The following PCDH11X variants were observed in gnomAD, a reference collection of about 807,000 sequenced individuals.
PCDH11X encodes protocadherin 11 X-linked.
Under a neutral mutation model 53.3 loss-of-function variants are expected in PCDH11X, and 18 were observed. That is an observed-to-expected ratio of 0.34 (90% CI 0.23 to 0.50). PCDH11X has a LOEUF of 0.50. Among genes scored for constraint, PCDH11X ranks in the 20% least tolerant of loss-of-function variants. The probability of loss-of-function intolerance (pLI) is 0.98; values close to 1 mark genes in which losing one functional copy is unlikely to be tolerated. For missense variants in PCDH11X, 570 were observed against 1,032.4 expected, an observed-to-expected ratio of 0.55 and a Z score of 6.14; for synonymous variants, 279 against 393.3, an observed-to-expected ratio of 0.71 and a Z score of 3.44.
chrX:92,206,197 C>T (rs932166609), intron 7 of PCDH11X, among the ~76,000 whole-genome samples: 4 of 111,506 alleles, frequency 3.6e-5, no homozygotes, highest in Non-Finnish European at 7.5e-5. Flanking sequence ...AAAGTATGTA[C>T]GGATAAGGAC....
At chrX:92,341,087 C>T (rs996852983) in intron 8 of PCDH11X, among the ~76,000 whole-genome samples, 8 of 111,376 alleles carry the variant, frequency 7.2e-5, no homozygotes, top group Admixed American at 4.8e-4. Flanking sequence ...CCCACAGAAC[C>T]GTAGGTCATG....
intron 6 of PCDH11X, among the ~76,000 whole-genome samples, chrX:91,881,947 A>C (rs1939927166): frequency 9.0e-6 from 1 of 111,576 alleles, no homozygotes; most frequent in African/African-American, 3.2e-5. Flanking sequence ...CTGAATAGAA[A>C]CAGGAAAGTG....
chrX:92,548,053 T>A (rs1230023774), intron 10 of PCDH11X, among the ~76,000 whole-genome samples: 1 of 110,796 alleles, frequency 9.0e-6, no homozygotes, highest in East Asian at 2.8e-4. Context: ...TGATCTGGTT[T>A]CTTCCTTCCT....
At chrX:92,154,022 C>A (rs1317661254) in intron 6 of PCDH11X, among the ~76,000 whole-genome samples, 1 of 110,956 alleles carries the variant, frequency 9.0e-6, no homozygotes, top group Non-Finnish European at 1.9e-5. Context: ...AATGAGCAGG[C>A]TAAATACAAA....
At chrX:92,510,039 C>A (rs1024187793) in intron 10 of PCDH11X, among the ~76,000 whole-genome samples, 1 of 106,279 alleles carries the variant, frequency 9.4e-6, no homozygotes, top group African/African-American at 3.3e-5. Context: ...TCCATCTTGA[C>A]ATTTTAATTT....
At chrX:91,889,898 T>C (rs931618872) in intron 6 of PCDH11X, among the ~76,000 whole-genome samples, 10 of 111,874 alleles carry the variant, frequency 8.9e-5, no homozygotes, top group African/African-American at 2.9e-4. Flanking sequence ...GAATAACTGA[T>C]AACAGTTAAC....
At chrX:92,365,474 T>C (rs763395625) in intron 8 of PCDH11X, among the ~76,000 whole-genome samples, 2 of 110,338 alleles carry the variant, frequency 1.8e-5, no homozygotes, top group East Asian at 5.8e-4. Context: ...ACTCCTGGAC[T>C]CAAGCAATCA....
intron 1 of PCDH11X, among the ~76,000 whole-genome samples, chrX:91,793,968 A>G (rs926839903): frequency 3.6e-5 from 4 of 111,167 alleles, no homozygotes; most frequent in Non-Finnish European, 5.6e-5. Context: ...AAACTGTTAC[A>G]AAAATATATT....
chrX:92,133,928 T>C (rs764007297), intron 6 of PCDH11X, among the ~76,000 whole-genome samples: 14 of 111,690 alleles, frequency 1.3e-4, no homozygotes, highest in Admixed American at 1.2e-3. Flanking sequence ...AGCTTGGTTT[T>C]ATACATTTTA....
chrX:91,868,589 C>T (rs1165530343), intron 5 of PCDH11X, among the ~76,000 whole-genome samples: 1 of 111,645 alleles, frequency 9.0e-6, no homozygotes, highest in Admixed American at 9.5e-5. Context: ...AAATTTTTAG[C>T]ACTATTTTCC....
At chrX:92,018,878 C>T (rs1050637582) in intron 6 of PCDH11X, among the ~76,000 whole-genome samples, 4 of 112,536 alleles carry the variant, frequency 3.6e-5, no homozygotes, top group African/African-American at 1.3e-4. Flanking sequence ...GCTATAAATC[C>T]GGAGTCAGTA....
At position 92,252,675 on chromosome X, in the gene PCDH11X, T is replaced by A. The variant is rs60477853; in HGVS notation, c.3115-10439T>A. ...AAATATTTAGGAATGATTTTTTTTT[T>A]AAATTGGATGAGATTTTAGTCAACT... is the stretch of plus-strand genomic sequence containing the variant. On this transcript the variant is annotated intron_variant, in intron 7 of 10. Transcript: ENST00000682573. Among the ~76,000 whole-genome samples the A allele has an allele frequency of 5.4e-3, 602 of 111,126 alleles. 5 individuals carry two copies. Among genetic ancestry groups the A allele is most frequent in the African/African-American group, 0.019 (570 of 30,620 alleles).
At chrX:92,029,382 C>A (rs1297163080) in intron 6 of PCDH11X, among the ~76,000 whole-genome samples, 3 of 112,096 alleles carry the variant, frequency 2.7e-5, no homozygotes, top group Non-Finnish European at 5.6e-5. Flanking sequence ...TGGATTGCCA[C>A]TGATCTCAAT....
At chrX:92,257,890 A>T (rs1339292847) in intron 7 of PCDH11X, among the ~76,000 whole-genome samples, 1 of 111,616 alleles carries the variant, frequency 9.0e-6, no homozygotes, top group East Asian at 2.8e-4. Context: ...AGTGTGGAGG[A>T]TCATGGCTTT....
chrX:92,454,355 A>G (rs915723604), intron 9 of PCDH11X, among the ~76,000 whole-genome samples: 2 of 109,261 alleles, frequency 1.8e-5, no homozygotes, highest in Non-Finnish European at 3.8e-5. Context: ...AATGTCATTT[A>G]TTCAGCACAG....
At chrX:91,945,217 G>A (rs1406449958) in intron 6 of PCDH11X, among the ~76,000 whole-genome samples, 1 of 103,163 alleles carries the variant, frequency 9.7e-6, no homozygotes, top group Non-Finnish European at 2.0e-5. Flanking sequence ...TATATAAAAT[G>A]ACTAATTTTA....
At chrX:92,281,258 A>G (rs1365477143) in intron 8 of PCDH11X, among the ~76,000 whole-genome samples, 1 of 111,949 alleles carries the variant, frequency 8.9e-6, no homozygotes, top group Non-Finnish European at 1.9e-5. Flanking sequence ...CTTCTGATAA[A>G]CACACATACA....
chrX:92,561,667 T>A lies in PCDH11X; in HGVS notation c.3368-56597T>A, dbSNP rs188615099. On this transcript the variant is annotated intron_variant, in intron 10 of 10. Coordinates refer to ENST00000682573, the MANE Select transcript of PCDH11X (RefSeq NM_032968.5). ...CACTACAGTATCTAGATAAATAGGC[T>A]CAAAAGCACTAATCTAAGAGTTATT... Among the ~76,000 whole-genome samples, 236 of 109,526 alleles carry A rather than the reference T, an allele frequency of 2.2e-3. 1 individual carries two copies. The highest frequency in any genetic ancestry group is 7.7e-3 in the African/African-American group (231 of 30,154).
At chrX:92,403,199 A>T (rs1214818744) in intron 9 of PCDH11X, among the ~76,000 whole-genome samples, 1 of 109,802 alleles carries the variant, frequency 9.1e-6, no homozygotes. Context: ...TTTCACCTAG[A>T]TCTTCACCTT....
Sources: allele counts gnomAD v4.1 joint callset (sites outside exome capture counted in the v4.1 genomes callset), GRCh38; gene constraint gnomAD v4.1.1; transcripts MANE v1.5; gene names NCBI Gene and HGNC (gene_info 2026-07-23, HGNC 2026-07-21).